The following IL1RAPL2 variants were observed in gnomAD, a reference collection of about 807,000 sequenced individuals.
The protein encoded by IL1RAPL2 is interleukin 1 receptor accessory protein like 2.
In IL1RAPL2, 3 loss-of-function variants were observed where a neutral mutation model predicts 44.1. That is an observed-to-expected ratio of 0.07 (90% CI 0.03 to 0.18). The LOEUF is 0.18. Ranked by LOEUF, IL1RAPL2 falls within the 10% of genes least tolerant of loss-of-function variation. The pLI is 1.00. For synonymous variants in IL1RAPL2, 181 were observed against 178.8 expected (o/e 1.01, Z -0.10); for missense variants, 391 against 496.4 (o/e 0.79, Z 2.02).
chrX:104,704,031 G>T (rs780467377), intron 2 of IL1RAPL2, among the ~76,000 whole-genome samples: 190 of 86,634 alleles, frequency 2.2e-3, no homozygotes, highest in Middle Eastern at 0.017. Context: ...AGTGAAATCA[G>T]ATTTTTTTCC....
intron 1 of IL1RAPL2, among the ~76,000 whole-genome samples, chrX:104,581,891 T>G (rs1028862918): frequency 9.0e-6 from 1 of 110,837 alleles, no homozygotes; most frequent in Non-Finnish European, 1.9e-5. Flanking sequence ...TCCTTAAAAG[T>G]TCATCATGAA....
chrX:105,078,275 T>C (rs1327149948), intron 2 of IL1RAPL2, among the ~76,000 whole-genome samples: 1 of 112,117 alleles, frequency 8.9e-6, no homozygotes. Context: ...GCTGCAGGTG[T>C]GTTGGAGTTT....
chrX:104,810,661 G>T (rs775152317), intron 2 of IL1RAPL2, among the ~76,000 whole-genome samples: 1 of 111,541 alleles, frequency 9.0e-6, no homozygotes, highest in Non-Finnish European at 1.9e-5. Flanking sequence ...AGATCTCAGG[G>T]TCATGTGTCA....
At chrX:105,746,269 C>T (rs963905157) in intron 8 of IL1RAPL2, among the ~76,000 whole-genome samples, 1 of 112,115 alleles carries the variant, frequency 8.9e-6, no homozygotes. Flanking sequence ...CTTTGGGTGC[C>T]TAGAAAAAGT....
intron 5 of IL1RAPL2, among the ~76,000 whole-genome samples, chrX:105,320,182 T>C (rs2034886678): frequency 8.9e-6 from 1 of 111,781 alleles, no homozygotes; most frequent in African/African-American, 3.3e-5. Flanking sequence ...TTGGGGGTAC[T>C]GGGCTGGGCA....
intron 2 of IL1RAPL2, among the ~76,000 whole-genome samples, chrX:104,849,371 T>TATATATA (rs1298461170): frequency 1.3e-4 from 13 of 96,306 alleles, no homozygotes; most frequent in Admixed American, 3.3e-4. Context: ...TATATATGGA[T>TATATATA]TACTTACGGA....
At chrX:104,850,215 T>TA (rs1569326475) in intron 2 of IL1RAPL2, among the ~76,000 whole-genome samples, 21 of 111,212 alleles carry the variant, frequency 1.9e-4, no homozygotes, top group African/African-American at 6.2e-4. Flanking sequence ...GATTTTTTTT[T>TA]TAAAAAAACC....
At chrX:105,083,572 G>C (rs996839377) in intron 2 of IL1RAPL2, among the ~76,000 whole-genome samples, 1 of 111,272 alleles carries the variant, frequency 9.0e-6, no homozygotes, top group African/African-American at 3.3e-5. Flanking sequence ...CAGAGAGAAA[G>C]GTTGGATTAC....
intron 6 of IL1RAPL2, among the ~76,000 whole-genome samples, chrX:105,507,635 A>G (rs1309170497): frequency 9.0e-6 from 1 of 111,600 alleles, no homozygotes. Context: ...CCACCTTACA[A>G]ATAGGTTTGA....
At chrX:105,014,161 G>A (rs1448392414) in intron 2 of IL1RAPL2, among the ~76,000 whole-genome samples, 1 of 110,698 alleles carries the variant, frequency 9.0e-6, no homozygotes, top group Non-Finnish European at 1.9e-5. Flanking sequence ...TTTTCCCCAG[G>A]GAACATAGCT....
rs180928944 is a variant in IL1RAPL2 at position 104,636,466 on chromosome X, C to G, written c.-19-22429C>G. Reference sequence around the variant, plus strand: ...GTGGAGTCTACAGATGCAGGCAGGTCTCCTTGAGCTGCGGTGGACTCCACC... The same window carrying G: ...GTGGAGTCTACAGATGCAGGCAGGTGTCCTTGAGCTGCGGTGGACTCCACC... On this transcript the variant is annotated intron_variant, in intron 1 of 10. Transcript: ENST00000372582. Among the ~76,000 whole-genome samples the G allele has an allele frequency of 3.3e-3, 373 of 112,366 alleles. 2 individuals carry two copies. Among genetic ancestry groups the G allele is most frequent in the African/African-American group, 0.011 (354 of 30,987 alleles).
intron 1 of IL1RAPL2, among the ~76,000 whole-genome samples, chrX:104,620,971 T>C (rs1377466918): frequency 1.2e-5 from 1 of 84,014 alleles, no homozygotes; most frequent in Non-Finnish European, 1.9e-5. Flanking sequence ...ATTTATATAA[T>C]AATATAATAT....
chrX:105,680,053 T>C (rs924982697), intron 6 of IL1RAPL2, among the ~76,000 whole-genome samples: 1 of 111,149 alleles, frequency 9.0e-6, no homozygotes, highest in Non-Finnish European at 1.9e-5. Flanking sequence ...CATGCTGGAG[T>C]GCAGTGGTGC....
chrX:105,156,932 T>C (rs1009250638), intron 2 of IL1RAPL2, among the ~76,000 whole-genome samples: 1 of 110,474 alleles, frequency 9.1e-6, no homozygotes, highest in Non-Finnish European at 1.9e-5. Flanking sequence ...CTCTCTCTCC[T>C]ATGACTATAT....
chrX:104,959,446 T>C (rs2029963654), intron 2 of IL1RAPL2, among the ~76,000 whole-genome samples: 1 of 111,949 alleles, frequency 8.9e-6, no homozygotes, highest in Non-Finnish European at 1.9e-5. Flanking sequence ...GGCACCAAGT[T>C]TGCAGCATCT....
At chrX:105,572,758 A>C (rs1015469973) in intron 6 of IL1RAPL2, among the ~76,000 whole-genome samples, 1 of 111,988 alleles carries the variant, frequency 8.9e-6, no homozygotes, top group Non-Finnish European at 1.9e-5. Flanking sequence ...GTGTTGTAAC[A>C]GTTCTGTTTG....
intron 1 of IL1RAPL2, among the ~76,000 whole-genome samples, chrX:104,581,996 G>A (rs1204991205): frequency 8.9e-6 from 1 of 111,918 alleles, no homozygotes. Context: ...AACTCTTTCT[G>A]GGGTGGTGGT....
intron 2 of IL1RAPL2, among the ~76,000 whole-genome samples, chrX:104,950,512 C>A (rs766543512): frequency 4.5e-5 from 5 of 112,359 alleles, no homozygotes; most frequent in Admixed American, 9.3e-5. Flanking sequence ...TTTCGAGCTT[C>A]GGGGCTGCTT....
intron 2 of IL1RAPL2, among the ~76,000 whole-genome samples, chrX:105,158,546 A>G (rs1315107814): frequency 9.0e-6 from 1 of 111,169 alleles, no homozygotes; most frequent in East Asian, 2.8e-4. Flanking sequence ...TTATTTCTCT[A>G]TTTCTCCAAT....
Sources: allele counts gnomAD v4.1 joint callset (sites outside exome capture counted in the v4.1 genomes callset), GRCh38; gene constraint gnomAD v4.1.1; transcripts MANE v1.5; gene names NCBI Gene and HGNC (gene_info 2026-07-23, HGNC 2026-07-21).